Variants in SAMD12 observed in about 807,000 individuals in gnomAD.
SAMD12 encodes sterile alpha motif domain-containing protein 12.
A neutral mutation model predicts 15.0 loss-of-function variants in SAMD12; 9 were observed. The ratio of observed to expected loss-of-function variants is 0.60; its 90% CI spans 0.36 to 1.05. The LOEUF (loss-of-function observed/expected upper bound fraction) is 1.05, where lower values mean the gene tolerates loss of function less well. Among genes scored for constraint, SAMD12 ranks in the 50% least tolerant of loss-of-function variants. The probability of loss-of-function intolerance (pLI) is 0.01; values close to 1 mark genes in which losing one functional copy is unlikely to be tolerated. For synonymous variants in SAMD12, 86 were observed against 90.1 expected (o/e 0.96, Z 0.25); for missense variants, 230 against 234.2 (o/e 0.98, Z 0.12).
intron 2 of SAMD12, among the ~76,000 whole-genome samples, chr8:118,450,191 C>T (rs1430628302): frequency 6.6e-6 from 1 of 152,158 alleles, no homozygotes; most frequent in African/African-American, 2.4e-5. Flanking sequence ...CTGCTGGCCC[C>T]CAAACACATG....
chr8:118,183,906 C>T, the SAMD12 span, among the ~76,000 whole-genome samples: 2 of 152,102 alleles, frequency 1.3e-5, no homozygotes, highest in African/African-American at 4.8e-5. Flanking sequence ...TTAGCTCTCA[C>T]TTGTGAAAAC....
At chr8:118,181,281 C>G in the SAMD12 span, among the ~76,000 whole-genome samples, 2 of 152,216 alleles carry the variant, frequency 1.3e-5, no homozygotes, top group Admixed American at 6.5e-5. Context: ...CTTGGCTCTG[C>G]CACTTGCTAT....
Position 118,424,867 on chromosome 8 carries a change from T to C in SAMD12, c.322+14965A>G, listed in dbSNP as rs541517477. On this transcript the variant is annotated intron_variant, in intron 3 of 3. Coordinates refer to ENST00000314727, the MANE Select transcript of SAMD12 (RefSeq NM_207506.3). ...TGCCTCTAATAGGTCTAATTTTTGA[T>C]CTCCCAATAACATGCAGGCTCTGTA... 2.0e-5 allele frequency among the ~76,000 whole-genome samples: 3 copies of C among 152,062 alleles called. No homozygotes were observed. In the East Asian group the frequency reaches 5.8e-4, roughly 29 times the overall value.
chr8:118,480,224 G>T (rs1001379348), intron 2 of SAMD12, among the ~76,000 whole-genome samples: 10 of 152,210 alleles, frequency 6.6e-5, no homozygotes, highest in African/African-American at 2.4e-4. Flanking sequence ...AAAGATAGCA[G>T]TGGGTGACCA....
chr8:118,422,817 T>C (rs1822056416), intron 3 of SAMD12, among the ~76,000 whole-genome samples: 1 of 152,122 alleles, frequency 6.6e-6, no homozygotes, highest in Non-Finnish European at 1.5e-5. Flanking sequence ...GCAGCATGTC[T>C]TCAAACTGAA....
chr8:118,560,891 C>G, intron 2 of SAMD12, among the ~76,000 whole-genome samples: 1 of 152,038 alleles, frequency 6.6e-6, no homozygotes, highest in Non-Finnish European at 1.5e-5. Flanking sequence ...TAGAAAGAGA[C>G]AGTTAATGAG....
the SAMD12 span, among the ~76,000 whole-genome samples, chr8:118,141,862 C>G: frequency 6.6e-6 from 1 of 152,138 alleles, no homozygotes. Context: ...TAACAGAGGG[C>G]TAGGAAGGGC....
chr8:118,354,312 T>C (rs1818113091), intron 4 of SAMD12, among the ~76,000 whole-genome samples: 1 of 152,202 alleles, frequency 6.6e-6, no homozygotes, highest in African/African-American at 2.4e-5. Flanking sequence ...AGAGGAATGG[T>C]CTAGATTCTA....
the SAMD12 span, among the ~76,000 whole-genome samples, chr8:118,146,498 A>T: frequency 6.6e-5 from 10 of 152,330 alleles, no homozygotes; most frequent in Middle Eastern, 3.4e-3. Context: ...TGAAGACCCC[A>T]TATTCCAATT....
the SAMD12 span, among the ~76,000 whole-genome samples, chr8:118,164,136 G>A: frequency 6.6e-6 from 1 of 152,104 alleles, no homozygotes; most frequent in East Asian, 1.9e-4. Context: ...CAGGAGGAAG[G>A]GGAAGCAGAA....
intron 2 of SAMD12, among the ~76,000 whole-genome samples, chr8:118,449,187 C>T (rs940246259): frequency 2.6e-5 from 4 of 151,908 alleles, no homozygotes; most frequent in East Asian, 2.0e-4. Flanking sequence ...CTTAGCCTCC[C>T]GAGTAGCTGG....
intron 2 of SAMD12, among the ~76,000 whole-genome samples, chr8:118,555,099 C>G (rs922835526): frequency 1.3e-5 from 2 of 152,216 alleles, no homozygotes; most frequent in Non-Finnish European, 2.9e-5. Context: ...TCAACAACCA[C>G]AAAAGGGGTA....
chr8:118,391,348 CT>C (rs1475014839), intron 3 of SAMD12, among the ~76,000 whole-genome samples: 1 of 152,102 alleles, frequency 6.6e-6, no homozygotes, highest in African/African-American at 2.4e-5. Context: ...CCTCTAGGTA[CT>C]TTTATTTGTC....
intron 1 of SAMD12, among the ~76,000 whole-genome samples, chr8:118,593,066 C>T (rs1827623900): frequency 6.6e-6 from 1 of 152,168 alleles, no homozygotes; most frequent in Admixed American, 6.6e-5. Flanking sequence ...ACTAAAGGAA[C>T]ATTCAAGTTT....
intron 4 of SAMD12, among the ~76,000 whole-genome samples, chr8:118,200,089 A>AT (rs1410413317): frequency 1.3e-5 from 2 of 152,102 alleles, no homozygotes; most frequent in African/African-American, 4.8e-5. Context: ...CTTGGCTCCC[A>AT]TTCTCTCTTG....
At chr8:118,140,667 G>A in the SAMD12 span, among the ~76,000 whole-genome samples, 59 of 152,296 alleles carry the variant, frequency 3.9e-4, no homozygotes, top group African/African-American at 1.3e-3. Flanking sequence ...GTGTTTCAGA[G>A]AAACTGGCAC....
intron 2 of SAMD12, among the ~76,000 whole-genome samples, chr8:118,535,381 G>T (rs542205528): frequency 6.2e-4 from 94 of 152,362 alleles, no homozygotes; most frequent in Middle Eastern, 3.4e-3. Flanking sequence ...TCCCAGTTAG[G>T]CTACTCAGGG....
chr8:118,222,294 G>T (rs954039304), intron 4 of SAMD12, among the ~76,000 whole-genome samples: 2 of 151,984 alleles, frequency 1.3e-5, no homozygotes, highest in African/African-American at 4.8e-5. Flanking sequence ...CATCCATGTG[G>T]GCAGGAGGCA....
chr8:118,319,491 C>T (rs1020812594), intron 4 of SAMD12, among the ~76,000 whole-genome samples: 1 of 152,194 alleles, frequency 6.6e-6, no homozygotes, highest in East Asian at 1.9e-4. Context: ...TTTGAATTTT[C>T]ATTCATAACT....
Sources: gnomAD v4.1 joint callset for allele counts (sites outside exome capture counted in the v4.1 genomes callset) on GRCh38, gnomAD v4.1.1 for gene constraint, MANE v1.5 for transcripts, NCBI Gene and HGNC (gene_info 2026-07-23, HGNC 2026-07-21) for gene names.